ACTR3: variants seen among roughly 807,000 people sequenced by gnomAD.
ACTR3 encodes actin-related protein 3.
Under a neutral mutation model 56.8 loss-of-function variants are expected in ACTR3, and 12 were observed. The ratio of observed to expected loss-of-function variants is 0.21; its 90% CI spans 0.14 to 0.34. The LOEUF (loss-of-function observed/expected upper bound fraction) is 0.34. Ranked by LOEUF, ACTR3 falls within the 10% of genes least tolerant of loss-of-function variation. The probability of loss-of-function intolerance (pLI) is 1.00; values close to 1 mark genes in which losing one functional copy is unlikely to be tolerated. For missense variants in ACTR3, 282 were observed against 512.5 expected (o/e 0.55, Z 4.34); for synonymous variants, 162 against 167.4 (o/e 0.97, Z 0.25).
At chr2:113,955,495 C>T in intron 10 of ACTR3, 128 bp from the exon 11 acceptor site, 1 of 650,244 alleles carries the variant, frequency 1.5e-6, no homozygotes, top group Admixed American at 2.9e-5. Context: ...TCAATTGTTT[C>T]TGGTTTGTAA....
At position 113,957,481 on chromosome 2, in the gene ACTR3, A is replaced by C. The variant is rs772589226; in HGVS notation, c.*26A>C. The C allele has an allele frequency of 6.3e-7, 1 of 1,579,224 alleles. No homozygotes were observed. Among genetic ancestry groups the C allele is most frequent in the Non-Finnish European group, 8.7e-7 (1 of 1,149,026 alleles). Reference sequence around the variant, plus strand: ...AATTGGCTTCATAGTTATTGGGGTTAGGGAGGTGGGGAAGAGATAATCTTT... The same window carrying C: ...AATTGGCTTCATAGTTATTGGGGTTCGGGAGGTGGGGAAGAGATAATCTTT... On this transcript the variant is annotated 3_prime_UTR_variant, in exon 12 of 12. Coordinates refer to ENST00000263238, the MANE Select transcript of ACTR3 (RefSeq NM_005721.5).
chr2:113,909,650 G>A (rs1194533781), intron 1 of ACTR3, among the ~76,000 whole-genome samples: 1 of 149,816 alleles, frequency 6.7e-6, no homozygotes, highest in Admixed American at 6.6e-5. Context: ...GGTGCAGTGT[G>A]AGCGTAGATA....
chr2:113,916,752 A>T, intron 2 of ACTR3, 132 bp from the exon 3 acceptor site: 1 of 663,060 alleles, frequency 1.5e-6, no homozygotes, highest in Non-Finnish European at 2.2e-6. Context: ...GACTTTTGTG[A>T]ATTAGTTTGA....
intron 1 of ACTR3, among the ~76,000 whole-genome samples, chr2:113,892,721 A>G (rs1409991009): frequency 6.6e-6 from 1 of 152,192 alleles, no homozygotes; most frequent in Non-Finnish European, 1.5e-5. Flanking sequence ...GAATGCATTC[A>G]GCTCTGAGGT....
At chr2:113,926,640 G>A (rs146950760) in intron 3 of ACTR3, among the ~76,000 whole-genome samples, 84 of 152,292 alleles carry the variant, frequency 5.5e-4, no homozygotes, top group African/African-American at 2.0e-3. Context: ...CTTTGTAACA[G>A]CCTGCCTTCA....
Position 113,948,376 on chromosome 2 carries a change from C to T in ACTR3, c.859-3103C>T, listed in dbSNP as rs116574805. Among the ~76,000 whole-genome samples, 466 of 152,240 alleles carry T rather than the reference C, an allele frequency of 3.1e-3. 1 individual carries two copies. The highest frequency in any genetic ancestry group is 0.011 in the African/African-American group (450 of 41,534). On this transcript the variant is annotated intron_variant, in intron 8 of 11. Transcript: ENST00000263238. ...TGTTGCCCAGGCTGGTCTTGAACTC[C>T]TGGGCTCGAGCAATTCACCCATCTT...
At chr2:113,910,765 A>T (rs34764202) in intron 1 of ACTR3, among the ~76,000 whole-genome samples, 11,187 of 152,168 alleles carry the variant, frequency 0.074, 460 homozygotes, top group African/African-American at 0.1. Flanking sequence ...CAATTAGAGC[A>T]TTGTTTTTAG....
At chr2:113,912,906 T>G (rs989046860) in intron 1 of ACTR3, among the ~76,000 whole-genome samples, 4 of 151,710 alleles carry the variant, frequency 2.6e-5, no homozygotes, top group African/African-American at 9.7e-5. Flanking sequence ...AGAAGCAAGA[T>G]TGTAGCTAAT....
intron 1 of ACTR3, among the ~76,000 whole-genome samples, chr2:113,902,196 A>G (rs921304331): frequency 1.1e-4 from 17 of 151,920 alleles, no homozygotes; most frequent in African/African-American, 4.1e-4. Context: ...TTTTTTTGGT[A>G]TAAAACTCAT....
rs1033403778 is a variant in ACTR3, at chr2:113,959,322, A to T, written c.*1867A>T. The T allele has an allele frequency of 6.6e-6, 1 of 152,058 alleles. No homozygotes were observed. Among genetic ancestry groups the T allele is most frequent in the Non-Finnish European group, 1.5e-5 (1 of 67,932 alleles). 9.4% of individuals were successfully genotyped at this position (152,058 alleles called of 1,614,324 possible). The stretch of plus-strand genomic sequence containing the variant: ...GCTTTTATTAAAGATCTTTTGATAA[A>T]GAACTATATTGATAAGCAGTAAAGA... On this transcript the variant is annotated 3_prime_UTR_variant, in exon 12 of 12. Coordinates refer to ENST00000263238, the MANE Select transcript of ACTR3 (RefSeq NM_005721.5).
chr2:113,909,232 G>A (rs1402216982), intron 1 of ACTR3, among the ~76,000 whole-genome samples: 1 of 152,118 alleles, frequency 6.6e-6, no homozygotes, highest in Non-Finnish European at 1.5e-5. Flanking sequence ...ATTTATTCTT[G>A]TGTTTTGAGA....
At chr2:113,940,129 T>C (rs1477700274) in intron 7 of ACTR3, 27 bp downstream of exon 7, 2 of 1,581,190 alleles carry the variant, frequency 1.3e-6, no homozygotes, top group African/African-American at 1.4e-5. Flanking sequence ...GAGTGTAATT[T>C]AGTTAAAAAT....
intron 4 of ACTR3, among the ~76,000 whole-genome samples, chr2:113,929,767 C>T (rs1679685544): frequency 6.6e-6 from 1 of 152,098 alleles, no homozygotes; most frequent in Non-Finnish European, 1.5e-5. Flanking sequence ...ACCTCCCCGC[C>T]TCCCAGGTTT....
intron 7 of ACTR3, among the ~76,000 whole-genome samples, chr2:113,940,807 C>T (rs1258748416): frequency 7.1e-5 from 10 of 140,188 alleles, no homozygotes; most frequent in African/African-American, 1.6e-4. Context: ...TTTTTAATTT[C>T]TTATTTTTAT....
At chr2:113,900,355 G>C (rs1679078507) in intron 1 of ACTR3, among the ~76,000 whole-genome samples, 1 of 152,180 alleles carries the variant, frequency 6.6e-6, no homozygotes, top group South Asian at 2.1e-4. Context: ...GCCTATTTTG[G>C]CCATTTCATG....
chr2:113,896,268 CT>C (rs1281212007), intron 1 of ACTR3, among the ~76,000 whole-genome samples: 12 of 149,044 alleles, frequency 8.1e-5, no homozygotes, highest in Admixed American at 1.3e-4. Flanking sequence ...GGTTGGCTTT[CT>C]TTTTTTTTTG....
chr2:113,895,233 ATC>A (rs1267894344), intron 1 of ACTR3, among the ~76,000 whole-genome samples: 2 of 152,172 alleles, frequency 1.3e-5, no homozygotes, highest in Admixed American at 1.3e-4. Context: ...GCTTTATATT[ATC>A]TCATTAACTT....
intron 11 of ACTR3, among the ~76,000 whole-genome samples, chr2:113,956,879 A>G (rs535660319): frequency 6.6e-6 from 1 of 152,350 alleles, no homozygotes; most frequent in East Asian, 1.9e-4. Flanking sequence ...GAAATGAGGT[A>G]ACACAGCATG....
At chr2:113,923,339 TTTGTTTGTTTG>T (rs1363726288) in intron 3 of ACTR3, among the ~76,000 whole-genome samples, 17 of 150,354 alleles carry the variant, frequency 1.1e-4, no homozygotes, top group African/African-American at 2.5e-4. Context: ...TGTTTGTTTG[TTTGTTTGTTTG>T]TTTTTGAGAC....
Sources: allele counts gnomAD v4.1 joint callset (sites outside exome capture counted in the v4.1 genomes callset), GRCh38; gene constraint gnomAD v4.1.1; transcripts MANE v1.5; gene names NCBI Gene and HGNC (gene_info 2026-07-23, HGNC 2026-07-21).